Variants in STXBP6 observed in about 807,000 individuals in gnomAD.
STXBP6 encodes syntaxin-binding protein 6.
In STXBP6, 21 loss-of-function variants were observed where a neutral mutation model predicts 26.9. The observed-to-expected ratio is 0.78, with a 90% CI of 0.55 to 1.12. The LOEUF is 1.12. Ranked by LOEUF, STXBP6 falls within the 50% of genes most tolerant of loss-of-function variation. The pLI, the probability that STXBP6 is intolerant of heterozygous loss-of-function variation, is 0.00. For synonymous variants in STXBP6, 97 were observed against 92.6 expected, an observed-to-expected ratio of 1.05 and a Z score of -0.27; for missense variants, 232 against 257.9, an observed-to-expected ratio of 0.90 and a Z score of 0.69.
intron 2 of STXBP6, among the ~76,000 whole-genome samples, chr14:24,941,837 A>C (rs912307): frequency 0.19 from 28,417 of 152,192 alleles, 3,482 homozygotes; most frequent in East Asian, 0.37. Flanking sequence ...GTGAGAAAAT[A>C]CCAGAGACTA....
chr14:24,840,060 T>C (rs372191298), intron 4 of STXBP6, among the ~76,000 whole-genome samples: 16 of 152,202 alleles, frequency 1.1e-4, no homozygotes, highest in African/African-American at 3.9e-4. Context: ...TTATGTTATT[T>C]AATCCTCCCC....
chr14:24,822,087 T>C (rs1435263605), intron 4 of STXBP6, among the ~76,000 whole-genome samples: 1 of 152,150 alleles, frequency 6.6e-6, no homozygotes, highest in East Asian at 1.9e-4. Flanking sequence ...TAGGTTTTCT[T>C]ATGGAAAAAG....
chr14:24,974,841 C>G lies in STXBP6; in HGVS notation c.-23G>C. ...CATTGTAGAACAAGTGAGGACAGCA[C>G]GCAGTGAATCTTTTAAAGAAGGAAA... On this transcript the variant is annotated 5_prime_UTR_variant, in exon 2 of 6. Coordinates refer to ENST00000323944, the MANE Select transcript of STXBP6 (RefSeq NM_001394410.1). The G allele has an allele frequency of 2.6e-6, 4 of 1,539,876 alleles. No individual in the cohort carries two copies. Among genetic ancestry groups the G allele is most frequent in the Non-Finnish European group, 3.5e-6 (4 of 1,136,692 alleles).
At chr14:24,819,476 G>A (rs1360203498) in intron 4 of STXBP6, 9 of 572,894 alleles carry the variant, frequency 1.6e-5, no homozygotes, top group Non-Finnish European at 2.5e-5. Context: ...TATTCTATCT[G>A]TGGAGGCTCA....
chr14:24,893,973 T>C (rs926158730), intron 2 of STXBP6, among the ~76,000 whole-genome samples: 3 of 152,192 alleles, frequency 2.0e-5, no homozygotes, highest in East Asian at 3.9e-4. Context: ...CCAAGGATCA[T>C]AGAAATAGGG....
chr14:24,923,088 T>C (rs943043759), intron 2 of STXBP6, among the ~76,000 whole-genome samples: 1 of 152,120 alleles, frequency 6.6e-6, no homozygotes, highest in African/African-American at 2.4e-5. Flanking sequence ...TCTCCATGCA[T>C]CTATTTGTGA....
intron 1 of STXBP6, among the ~76,000 whole-genome samples, chr14:25,019,777 A>G (rs561098647): frequency 6.6e-6 from 1 of 151,754 alleles, no homozygotes; most frequent in Non-Finnish European, 1.5e-5. Context: ...ATTTCTGCAT[A>G]TTGACTAGGC....
chr14:24,843,146 T>G (rs2068836861), intron 4 of STXBP6, among the ~76,000 whole-genome samples: 1 of 152,216 alleles, frequency 6.6e-6, no homozygotes, highest in Non-Finnish European at 1.5e-5. Context: ...GAGGCTCAGT[T>G]TCTTCGCCTG....
At chr14:25,036,764 G>A (rs1415211743) in intron 1 of STXBP6, among the ~76,000 whole-genome samples, 1 of 150,374 alleles carries the variant, frequency 6.7e-6, no homozygotes, top group Non-Finnish European at 1.5e-5. Context: ...GCTGAGGTAG[G>A]AGAATGGCGT....
intron 2 of STXBP6, among the ~76,000 whole-genome samples, chr14:24,938,740 C>A (rs1595150185): frequency 6.6e-6 from 1 of 152,094 alleles, no homozygotes. Flanking sequence ...GGAAGCAGGC[C>A]AGGGGTCCTC....
chr14:25,038,432 TTATTCATAA>T (rs1566579505), intron 1 of STXBP6, among the ~76,000 whole-genome samples: 1 of 152,238 alleles, frequency 6.6e-6, no homozygotes, highest in African/African-American at 2.4e-5. Context: ...CACAACAGCA[TTATTCATAA>T]TACTCAAAAA....
intron 1 of STXBP6, among the ~76,000 whole-genome samples, chr14:25,002,124 A>G (rs950688884): frequency 1.3e-5 from 2 of 152,174 alleles, no homozygotes; most frequent in African/African-American, 4.8e-5. Flanking sequence ...TTGTAACCCA[A>G]CATATGGATA....
intron 1 of STXBP6, among the ~76,000 whole-genome samples, chr14:25,015,674 AG>A (rs1156357553): frequency 7.9e-5 from 12 of 152,334 alleles, no homozygotes; most frequent in African/African-American, 2.4e-4. Flanking sequence ...ACATGAAAAA[AG>A]AAAAATGTTA....
intron 2 of STXBP6, among the ~76,000 whole-genome samples, chr14:24,968,080 TATA>T (rs1193154631): frequency 2.6e-5 from 4 of 151,814 alleles, no homozygotes; most frequent in African/African-American, 9.7e-5. Context: ...AATTAAATAA[TATA>T]ATATGCATAA....
intron 1 of STXBP6, among the ~76,000 whole-genome samples, chr14:24,977,971 T>C (rs746745613): frequency 6.6e-6 from 1 of 152,230 alleles, no homozygotes; most frequent in African/African-American, 2.4e-5. Flanking sequence ...ATTCATTCTA[T>C]GTGAAATTAT....
chr14:24,846,442 C>G (rs2068964482), intron 4 of STXBP6, among the ~76,000 whole-genome samples: 2 of 152,066 alleles, frequency 1.3e-5, no homozygotes, highest in Non-Finnish European at 2.9e-5. Flanking sequence ...CTCCCAAAGC[C>G]CTTATAATCG....
intron 1 of STXBP6, among the ~76,000 whole-genome samples, chr14:25,034,709 A>G (rs1317059539): frequency 6.6e-6 from 1 of 152,218 alleles, no homozygotes; most frequent in Non-Finnish European, 1.5e-5. Flanking sequence ...GAGTTGAAAG[A>G]ATCCACAAAA....
intron 1 of STXBP6, among the ~76,000 whole-genome samples, chr14:24,986,427 G>A (rs2074334020): frequency 6.6e-6 from 1 of 152,116 alleles, no homozygotes; most frequent in Non-Finnish European, 1.5e-5. Flanking sequence ...ACTGGCAGAA[G>A]AATACACCCT....
intron 2 of STXBP6, among the ~76,000 whole-genome samples, chr14:24,869,700 A>G (rs1477286352): frequency 2.6e-5 from 4 of 152,194 alleles, no homozygotes; most frequent in African/African-American, 9.7e-5. Flanking sequence ...TCGGCTGGTC[A>G]TGATGTCCAC....
Sources: allele counts gnomAD v4.1 joint callset (sites outside exome capture counted in the v4.1 genomes callset), GRCh38; gene constraint gnomAD v4.1.1; transcripts MANE v1.5; gene names NCBI Gene and HGNC (gene_info 2026-07-23, HGNC 2026-07-21).